Variants in SPATA16 observed in about 807,000 individuals in gnomAD.
The protein encoded by SPATA16 is spermatogenesis associated 16, also known as spermatogenesis-associated protein 16.
A neutral mutation model predicts 63.3 loss-of-function variants in SPATA16; 36 were observed. That is an observed-to-expected ratio of 0.57 (90% confidence interval 0.44 to 0.75). The LOEUF (loss-of-function observed/expected upper bound fraction) is 0.75, where lower values mean the gene tolerates loss of function less well. Among genes scored for constraint, SPATA16 ranks in the 30% least tolerant of loss-of-function variants. The pLI is 0.00. For missense variants in SPATA16, 646 were observed against 679.3 expected, an observed-to-expected ratio of 0.95 and a Z score of 0.54; for synonymous variants, 203 against 216.7, an observed-to-expected ratio of 0.94 and a Z score of 0.56.
At chr3:173,071,224 T>C (rs1403323084) in intron 2 of SPATA16, among the ~76,000 whole-genome samples, 1 of 152,200 alleles carries the variant, frequency 6.6e-6, no homozygotes, top group African/African-American at 2.4e-5. Flanking sequence ...GATGGTCTCT[T>C]CAATAAATGG....
At position 172,956,684 on chromosome 3, in the gene SPATA16, C is replaced by T. The variant is rs1182982379; in HGVS notation, c.1074G>A (p.Met358Ile). ...GAAGATATTGAATCTTACCTGTGTA[C>T]ATATACTCTGCATATGCAGGATGAG... ...TKTHPAYAEY[M>I]YTDLQALHML... Residue 358 changes from methionine (M) to isoleucine (I), a missense_variant, in exon 6 of 11, where the codon ATG becomes ATA. Coordinates refer to ENST00000351008, the MANE Select transcript of SPATA16 (RefSeq NM_031955.6). The T allele has an allele frequency of 6.2e-7, 1 of 1,611,546 alleles. No individual in the cohort carries two copies. Among genetic ancestry groups the T allele is most frequent in the East Asian group, 2.2e-5 (1 of 44,766 alleles).
At chr3:172,900,128 G>T (rs987074828) in intron 10 of SPATA16, among the ~76,000 whole-genome samples, 2 of 152,072 alleles carry the variant, frequency 1.3e-5, no homozygotes, top group Admixed American at 6.5e-5. Context: ...TTCTGATGAT[G>T]AATTCTCTCA....
In SPATA16 at chr3:173,063,545, G is replaced by A. The variant is rs77583439; in HGVS notation, c.613-14451C>T. On this transcript the variant is annotated intron_variant, in intron 2 of 10. Transcript: ENST00000351008. ...AGCCAACGTCTATCATGCCAGAACC[G>A]CCAGCTCACTAGGCAGGGGAGTTTC... Among the ~76,000 whole-genome samples, 1,084 of 152,250 alleles carry A rather than the reference G, an allele frequency of 7.1e-3. 20 individuals are homozygous for A. The highest frequency in any genetic ancestry group is 0.025 in the African/African-American group (1,020 of 41,518).
intron 4 of SPATA16, among the ~76,000 whole-genome samples, chr3:173,002,057 T>C (rs543780115): frequency 1.3e-5 from 2 of 152,346 alleles, no homozygotes; most frequent in East Asian, 3.8e-4. Flanking sequence ...AAATTATTTT[T>C]ATATCAGTAT....
At position 172,899,494 on chromosome 3, in the gene SPATA16, A is replaced by AT. The variant is rs1560060742; in HGVS notation, c.1588-9803dup. On this transcript the variant is annotated intron_variant, in intron 10 of 10. Coordinates refer to ENST00000351008, the MANE Select transcript of SPATA16 (RefSeq NM_031955.6). ...ATGTTTACATGATATTTCTTTTTAC[A>AT]TTTTTTAACTCTTAAGCTTTCTACA... Among the ~76,000 whole-genome samples the AT allele has an allele frequency of 2.0e-5, 3 of 151,928 alleles. No individual in the cohort carries two copies. The East Asian group carries it at 5.8e-4, about 29-fold the overall frequency.
chr3:172,998,267 T>C (rs1577124729), intron 4 of SPATA16, among the ~76,000 whole-genome samples: 1 of 152,276 alleles, frequency 6.6e-6, no homozygotes, highest in East Asian at 1.9e-4. Context: ...GTTAGATTTA[T>C]ATCTAAGTAT....
intron 2 of SPATA16, among the ~76,000 whole-genome samples, chr3:173,057,655 T>G (rs190917846): frequency 3.4e-4 from 52 of 152,350 alleles, no homozygotes; most frequent in Admixed American, 1.2e-3. Context: ...TCCCCAAACA[T>G]CTGGCCCTAG....
intron 5 of SPATA16, among the ~76,000 whole-genome samples, chr3:172,968,851 G>A (rs1040526831): frequency 6.6e-6 from 1 of 152,142 alleles, no homozygotes; most frequent in African/African-American, 2.4e-5. Context: ...ATTTAACAAC[G>A]CTGGTAACCA....
chr3:173,004,430 T>C (rs1410799436), intron 4 of SPATA16, among the ~76,000 whole-genome samples: 1 of 132,022 alleles, frequency 7.6e-6, no homozygotes, highest in Non-Finnish European at 1.6e-5. Flanking sequence ...GCATACCATA[T>C]ACAAAAAAAA....
intron 4 of SPATA16, among the ~76,000 whole-genome samples, chr3:172,998,052 G>A (rs902469930): frequency 2.0e-5 from 3 of 151,998 alleles, no homozygotes; most frequent in Non-Finnish European, 4.4e-5. Flanking sequence ...ATATTTTAGG[G>A]TCAATTTGTT....
intron 2 of SPATA16, among the ~76,000 whole-genome samples, chr3:173,110,107 A>T (rs1236202875): frequency 1.3e-5 from 2 of 152,170 alleles, no homozygotes; most frequent in African/African-American, 4.8e-5. Context: ...AATTTTTTAA[A>T]ATCATTAAAT....
At chr3:173,127,710 A>G (rs1239827687) in intron 1 of SPATA16, among the ~76,000 whole-genome samples, 1 of 152,236 alleles carries the variant, frequency 6.6e-6, no homozygotes, top group Non-Finnish European at 1.5e-5. Context: ...GGAGGCATAC[A>G]ACGTCCGCTT....
intron 4 of SPATA16, among the ~76,000 whole-genome samples, chr3:172,981,124 A>G (rs1408668563): frequency 6.6e-6 from 1 of 152,050 alleles, no homozygotes; most frequent in African/African-American, 2.4e-5. Flanking sequence ...CTTGGCTTCC[A>G]CTGTGCCATT....
chr3:173,073,169 TA>T, intron 2 of SPATA16, among the ~76,000 whole-genome samples: 1 of 152,328 alleles, frequency 6.6e-6, no homozygotes, highest in Non-Finnish European at 1.5e-5. Flanking sequence ...TGGGTGCTGT[TA>T]AAAACCTTCA....
rs543670469 is a variant in SPATA16, at chr3:172,984,450, A to G, written c.849-7398T>C. On this transcript the variant is annotated intron_variant, in intron 4 of 10. Coordinates refer to ENST00000351008, the MANE Select transcript of SPATA16 (RefSeq NM_031955.6). ...TCCCCCTTACTGCCTGCCCCTAGTC[A>G]TTTGACAATCATTCATAAGGAGACT... Among the ~76,000 whole-genome samples, 106 of 152,270 alleles carry G rather than the reference A, an allele frequency of 7.0e-4. 1 individual carries two copies. Among genetic ancestry groups the G allele is most frequent in the African/African-American group, 1.4e-3 (59 of 41,540 alleles).
intron 6 of SPATA16, among the ~76,000 whole-genome samples, chr3:172,940,157 T>G (rs1733111912): frequency 6.6e-6 from 1 of 152,124 alleles, no homozygotes; most frequent in Non-Finnish European, 1.5e-5. Flanking sequence ...TGATATCCCT[T>G]ATAATACACC....
chr3:173,070,820 A>C (rs1736657107), intron 2 of SPATA16, among the ~76,000 whole-genome samples: 1 of 152,212 alleles, frequency 6.6e-6, no homozygotes, highest in African/African-American at 2.4e-5. Context: ...GAGGACACAA[A>C]ACACCGGAAA....
intron 9 of SPATA16, among the ~76,000 whole-genome samples, chr3:172,915,580 C>T (rs1732464261): frequency 6.6e-6 from 1 of 152,092 alleles, no homozygotes; most frequent in Non-Finnish European, 1.5e-5. Flanking sequence ...TTTTACCTTT[C>T]CTTGAACAGG....
chr3:172,957,147 C>T lies in SPATA16; in HGVS notation c.934-323G>A, dbSNP rs138525252. 3.2e-3 allele frequency among the ~76,000 whole-genome samples: 482 copies of T among 152,206 alleles called. 2 individuals carry two copies. Among genetic ancestry groups the T allele is most frequent in the African/African-American group, 0.011 (471 of 41,538 alleles). On this transcript the variant is annotated intron_variant, in intron 5 of 10. Transcript: ENST00000351008. Reference sequence around the variant, plus strand: ...TTAAAAGTCAAATTCTTGAGTCTGACATTATAATTAACTTACTCTTGAGCA... The same window carrying T: ...TTAAAAGTCAAATTCTTGAGTCTGATATTATAATTAACTTACTCTTGAGCA...
Sources: allele counts gnomAD v4.1 joint callset (sites outside exome capture counted in the v4.1 genomes callset), GRCh38; gene constraint gnomAD v4.1.1; transcripts MANE v1.5; gene names NCBI Gene and HGNC (gene_info 2026-07-23, HGNC 2026-07-21).